The following SLIT1 variants were observed in gnomAD, a reference collection of about 807,000 sequenced individuals.
SLIT1 encodes slit homolog 1 protein.
In SLIT1, 66 loss-of-function variants were observed where a neutral mutation model predicts 186.1. The observed-to-expected ratio is 0.35, with a 90% CI of 0.29 to 0.44. The LOEUF is 0.44. Among genes scored for constraint, SLIT1 ranks in the 20% least tolerant of loss-of-function variants. The pLI, the probability that SLIT1 is intolerant of heterozygous loss-of-function variation, is 1.00. For missense variants in SLIT1, 1,638 were observed against 2,037.4 expected (o/e 0.80, Z 3.77); for synonymous variants, 761 against 833.8 (o/e 0.91, Z 1.50).
intron 4 of SLIT1, among the ~76,000 whole-genome samples, chr10:97,084,750 C>T (rs1272157954): frequency 1.3e-5 from 2 of 151,662 alleles, no homozygotes; most frequent in Non-Finnish European, 2.9e-5. Context: ...GGATTGCAGG[C>T]GAGTGCCACC....
chr10:97,067,295 C>T (rs553305780), intron 4 of SLIT1, among the ~76,000 whole-genome samples: 3 of 152,326 alleles, frequency 2.0e-5, no homozygotes, highest in South Asian at 2.1e-4. Flanking sequence ...CCTTCCTCCA[C>T]TCCCTGTCAG....
At chr10:97,064,133 G>GGCTGCCCCGCTCCCA in intron 7 of SLIT1, 35 bp downstream of exon 7, 1 of 1,572,428 alleles carries the variant, frequency 6.4e-7, no homozygotes, top group Non-Finnish European at 8.7e-7. Context: ...AACCGGGCTT[G>GGCTGCCCCGCTCCCA]GCTGCCCCGC....
chr10:97,155,923 C>G (rs990550539), intron 4 of SLIT1, among the ~76,000 whole-genome samples: 2 of 152,216 alleles, frequency 1.3e-5, no homozygotes, highest in Non-Finnish European at 2.9e-5. Flanking sequence ...CAGGGCAAGG[C>G]CAGATGCTTG....
Position 97,001,853 on chromosome 10 carries a change from G to A in SLIT1, c.4366+305C>T, listed in dbSNP as rs192786980. Among the ~76,000 whole-genome samples, 12 of 152,232 alleles carry A rather than the reference G, an allele frequency of 7.9e-5. No homozygotes were observed. The East Asian group carries it at 2.3e-3, about 30-fold the overall frequency. On this transcript the variant is annotated intron_variant, in intron 36 of 36. Coordinates refer to ENST00000266058, the MANE Select transcript of SLIT1 (RefSeq NM_003061.3). ...CTTCCTGCTGCCGCTCCCAGGTCAT[G>A]AGGTGATGGGGCCAAGAGGCAGAGG...
At position 97,006,356 on chromosome 10, in the gene SLIT1, C is replaced by T. The variant is rs935950068; in HGVS notation, c.3579+127G>A. On this transcript the variant is annotated intron_variant, in intron 32 of 36. Transcript: ENST00000266058. The surrounding 1 kb of genome is among the most constrained non-coding windows in gnomAD (Gnocchi z 4.0). ...GAGATTTTGATACCCATATGCAAAA[C>T]GTTTTGATTACACAGAGTCCTTCCA... The T allele has an allele frequency of 2.0e-5, 13 of 657,372 alleles. No individual in the cohort carries two copies. Among genetic ancestry groups the T allele is most frequent in the African/African-American group, 5.4e-5 (3 of 55,160 alleles). The allele number at this position is 657,372 out of a possible 1,614,324, so 40.7% of individuals were successfully genotyped here.
intron 30 of SLIT1, among the ~76,000 whole-genome samples, chr10:97,011,882 A>G (rs1589362329): frequency 6.6e-6 from 1 of 151,594 alleles, no homozygotes; most frequent in East Asian, 1.9e-4. Flanking sequence ...CCAGCCCAAT[A>G]CCTCACCTCC....
chr10:97,056,726 C>T (rs1005916980), intron 12 of SLIT1, among the ~76,000 whole-genome samples: 4 of 151,956 alleles, frequency 2.6e-5, no homozygotes, highest in Middle Eastern at 3.4e-3. Flanking sequence ...TGTGGGATTC[C>T]GGGAAAGCAG....
intron 25 of SLIT1, among the ~76,000 whole-genome samples, chr10:97,025,195 A>T (rs1048537833): frequency 1.3e-5 from 2 of 152,214 alleles, no homozygotes; most frequent in Non-Finnish European, 2.9e-5. Flanking sequence ...GCATCGCTTG[A>T]ACCCAGGAGG....
chr10:97,086,129 A>G (rs1277641621), intron 4 of SLIT1, among the ~76,000 whole-genome samples: 1 of 152,250 alleles, frequency 6.6e-6, no homozygotes, highest in Admixed American at 6.5e-5. Context: ...GTTACAACTT[A>G]TGTTCACAAA....
At chr10:97,059,317 C>T (rs1228070842) in intron 11 of SLIT1, 143 bp downstream of exon 11, 3 of 676,206 alleles carry the variant, frequency 4.4e-6, no homozygotes, top group African/African-American at 3.5e-5. Context: ...AAAGGATGAC[C>T]CACTGAGGCT....
In SLIT1 at chr10:97,001,169, G is replaced by C; in HGVS notation, c.4548C>G (p.Thr1516=). ...RKFTFECSDG[T]SFAEEVEKPT... The stretch of plus-strand genomic sequence containing the variant: ...GCTTTTCCACCTCCTCGGCAAAAGA[G>C]GTCCCATCGCTGCACTCAAAGGTGA... The change falls in exon 37 of 37, where the codon ACC becomes ACG. Residue 1516 remains threonine, a synonymous_variant. Transcript: ENST00000266058. 1 of 1,613,272 alleles carries C rather than the reference G, an allele frequency of 6.2e-7. No individual in the cohort carries two copies.
chr10:96,999,915 G>A lies in SLIT1; in HGVS notation c.*1197C>T, dbSNP rs955287560. Reference sequence around the variant, plus strand: ...CCGGGTTAGGCACATAAATACTTTTGATGTGATCAATGTAGATAGATAGAT... The same window carrying A: ...CCGGGTTAGGCACATAAATACTTTTAATGTGATCAATGTAGATAGATAGAT... On this transcript the variant is annotated 3_prime_UTR_variant, in exon 37 of 37. Transcript: ENST00000266058. 1 of 151,584 alleles carries A rather than the reference G, an allele frequency of 6.6e-6. No homozygotes were observed. The highest frequency in any genetic ancestry group is 2.4e-5 in the African/African-American group (1 of 40,954). The allele number at this position is 151,584 out of a possible 1,614,324, so 9.4% of individuals were successfully genotyped here. A position where few individuals can be genotyped will look rare whatever the true frequency, so the allele number is the denominator to read the frequency against.
intron 1 of SLIT1, among the ~76,000 whole-genome samples, chr10:97,177,096 C>T (rs1290978027): frequency 4.6e-5 from 7 of 152,142 alleles, no homozygotes; most frequent in East Asian, 1.9e-4. Context: ...CATTTTGTAC[C>T]GGCCTCCCAG....
At position 97,001,077 on chromosome 10, in the gene SLIT1, C is replaced by G. The variant is rs749094624; in HGVS notation, c.*35G>C. 1 of 1,580,984 alleles carries G rather than the reference C, an allele frequency of 6.3e-7. No homozygotes were observed. Among genetic ancestry groups the G allele is most frequent in the African/African-American group, 1.3e-5 (1 of 74,250 alleles). On this transcript the variant is annotated 3_prime_UTR_variant, in exon 37 of 37. Transcript: ENST00000266058. Reference sequence around the variant, plus strand: ...TCCGCTGCTGCAGCGGCTGGGGCCCCTTGCCCGCCCTCACCGGCCTGTCCA... The same window carrying G: ...TCCGCTGCTGCAGCGGCTGGGGCCCGTTGCCCGCCCTCACCGGCCTGTCCA...
chr10:97,141,080 C>T (rs192592752), intron 4 of SLIT1, among the ~76,000 whole-genome samples: 10 of 152,152 alleles, frequency 6.6e-5, no homozygotes, highest in Admixed American at 1.3e-4. Context: ...GTCGGAGGCT[C>T]TGCATGTAAA....
At chr10:97,054,668 G>C (rs2134632171) in intron 13 of SLIT1, among the ~76,000 whole-genome samples, 1 of 152,266 alleles carries the variant, frequency 6.6e-6, no homozygotes, top group African/African-American at 2.4e-5. Context: ...CGAGCTCCTA[G>C]ATCCAATTTT....
In SLIT1 at chr10:97,184,077, T is replaced by C. The variant is rs891149156; in HGVS notation, c.197+1401A>G. On this transcript the variant is annotated intron_variant, in intron 1 of 36. Coordinates refer to ENST00000266058, the MANE Select transcript of SLIT1 (RefSeq NM_003061.3). The surrounding 1 kb of genome is among the most constrained non-coding windows in gnomAD (Gnocchi z 4.4). ...ACACACACTTCCCATCTAGATTGCA[T>C]CTAGATTGCAAATTCTCTAAAACCT... is the stretch of plus-strand genomic sequence containing the variant. Among the ~76,000 whole-genome samples the C allele has an allele frequency of 1.3e-4, 20 of 149,556 alleles. No homozygotes were observed. Among genetic ancestry groups the C allele is most frequent in the African/African-American group, 4.2e-4 (17 of 40,446 alleles).
At chr10:97,139,081 A>G (rs894753106) in intron 4 of SLIT1, among the ~76,000 whole-genome samples, 2 of 152,176 alleles carry the variant, frequency 1.3e-5, no homozygotes, top group African/African-American at 2.4e-5. Context: ...GAATGCATCC[A>G]TGCATCCGGA....
intron 4 of SLIT1, among the ~76,000 whole-genome samples, chr10:97,104,477 A>G (rs1352065839): frequency 6.6e-6 from 1 of 152,136 alleles, no homozygotes; most frequent in African/African-American, 2.4e-5. Flanking sequence ...TGTTCAATTA[A>G]CATCAGCAAC....
Sources: allele counts gnomAD v4.1 joint callset (sites outside exome capture counted in the v4.1 genomes callset), GRCh38; gene constraint gnomAD v4.1.1; non-coding constraint Gnocchi (gnomAD v3.1); transcripts MANE v1.5; gene names NCBI Gene and HGNC (gene_info 2026-07-23, HGNC 2026-07-21).